PTPRM: variants seen among roughly 807,000 people sequenced by gnomAD.
PTPRM encodes the protein protein tyrosine phosphatase receptor type M.
In PTPRM, 47 loss-of-function variants were observed where a neutral mutation model predicts 186.7. That is an observed-to-expected ratio of 0.25 (90% CI 0.20 to 0.32). The LOEUF (loss-of-function observed/expected upper bound fraction) is 0.32, where lower values mean the gene tolerates loss of function less well. PTPRM is among the 10% of genes least tolerant of loss of function. The pLI is 1.00. For missense variants in PTPRM, 1,494 were observed against 1,865.0 expected (o/e 0.80, Z 3.66); for synonymous variants, 668 against 674.9 (o/e 0.99, Z 0.16).
chr18:7,682,428 G>C (rs1050773253), intron 1 of PTPRM, among the ~76,000 whole-genome samples: 2 of 152,130 alleles, frequency 1.3e-5, no homozygotes, highest in Non-Finnish European at 2.9e-5. Context: ...AAAGAATAAA[G>C]AAGAAAGCCT....
chr18:7,723,774 C>T (rs543733064), intron 1 of PTPRM, among the ~76,000 whole-genome samples: 7 of 152,284 alleles, frequency 4.6e-5, no homozygotes, highest in African/African-American at 1.4e-4. Context: ...GACCCTGTCC[C>T]CTGGGGGCGC....
At chr18:8,126,867 T>C (rs1015987372) in intron 13 of PTPRM, among the ~76,000 whole-genome samples, 2 of 152,146 alleles carry the variant, frequency 1.3e-5, no homozygotes, top group African/African-American at 4.8e-5. Context: ...ATATGAAGAA[T>C]TGCAGAAAGG....
chr18:8,052,007 A>G (rs181193572), intron 7 of PTPRM, among the ~76,000 whole-genome samples: 70 of 152,252 alleles, frequency 4.6e-4, no homozygotes, highest in African/African-American at 1.7e-3. Flanking sequence ...TACAGCCTGC[A>G]CTCTGAAAAA....
chr18:7,639,237 G>A, intron 1 of PTPRM, among the ~76,000 whole-genome samples: 1 of 152,026 alleles, frequency 6.6e-6, no homozygotes, highest in African/African-American at 2.4e-5. Context: ...ACCACACCTG[G>A]CTAACTTTAT....
At chr18:7,764,676 T>G (rs1364399611) in intron 1 of PTPRM, among the ~76,000 whole-genome samples, 1 of 152,206 alleles carries the variant, frequency 6.6e-6, no homozygotes, top group Non-Finnish European at 1.5e-5. Context: ...TTTGCATTTC[T>G]GAGTTCCTAG....
chr18:8,076,567 A>G lies in PTPRM; in HGVS notation c.1551+3A>G, dbSNP rs2089829268. On this transcript the variant is annotated splice_donor_region_variant and intron_variant, in intron 9 of 32. Transcript: ENST00000580170. ...ATGGTGTAATCACTTTATATGAGGT[A>G]ATATATATGTTTGTTAGTAATTTTT... The G allele has an allele frequency of 1.4e-6, 2 of 1,412,720 alleles. No homozygotes were observed. The highest frequency in any genetic ancestry group is 2.4e-5 in the South Asian group (2 of 83,208). The allele number at this position is 1,412,720 out of a possible 1,614,324, so 87.5% of individuals were successfully genotyped here.
chr18:8,280,769 A>G (rs1188053858), intron 19 of PTPRM, among the ~76,000 whole-genome samples: 1 of 152,046 alleles, frequency 6.6e-6, no homozygotes, highest in East Asian at 1.9e-4. Context: ...TTCTGGAGGG[A>G]CCACGCACAA....
At chr18:7,718,208 A>G (rs1291064085) in intron 1 of PTPRM, among the ~76,000 whole-genome samples, 2 of 152,194 alleles carry the variant, frequency 1.3e-5, no homozygotes, top group Admixed American at 6.5e-5. Flanking sequence ...GTACTGGTAT[A>G]AAAATAGACA....
intron 13 of PTPRM, among the ~76,000 whole-genome samples, chr18:8,130,879 A>T (rs892006018): frequency 6.6e-6 from 1 of 152,220 alleles, no homozygotes; most frequent in Non-Finnish European, 1.5e-5. Context: ...CTCAGCTTCC[A>T]TATCTGTAAA....
chr18:8,307,785 C>T (rs1176936105), intron 20 of PTPRM, among the ~76,000 whole-genome samples: 4 of 149,194 alleles, frequency 2.7e-5, no homozygotes, highest in Admixed American at 2.0e-4. Flanking sequence ...GCCTGGGCAA[C>T]AAGAGTGAAA....
At chr18:7,853,388 G>A (rs1446381708) in intron 2 of PTPRM, among the ~76,000 whole-genome samples, 8 of 152,182 alleles carry the variant, frequency 5.3e-5, no homozygotes, top group Non-Finnish European at 4.4e-5. Context: ...GGTGCTAGGT[G>A]TCCTCCCTTG....
rs1599832244 is a variant in PTPRM at position 7,978,764 on chromosome 18, T to A, written c.1132+23350T>A. Among the ~76,000 whole-genome samples, 4 of 152,238 alleles carry A rather than the reference T, an allele frequency of 2.6e-5. No individual in the cohort carries two copies. The East Asian group carries it at 7.7e-4, about 29-fold the overall frequency. On this transcript the variant is annotated intron_variant, in intron 7 of 32. Coordinates refer to ENST00000580170, the MANE Select transcript of PTPRM (RefSeq NM_001105244.2). ...CAGCTTTAATTCTTAAAAAGGTTTA[T>A]ATCATAATATTAAGGTTAGGATATG... is the stretch of plus-strand genomic sequence containing the variant.
rs570381463 is a variant in PTPRM at position 8,011,433 on chromosome 18, AGGTTTC to A, written c.1132+56020_1132+56025del. On this transcript the variant is annotated intron_variant, in intron 7 of 32. Transcript: ENST00000580170. The stretch of plus-strand genomic sequence containing the variant: ...CTCTAGCCCTCTGTGCCAGTCACAG[AGGTTTC>A]ACTCTTCATGGTTTCACTACATTCC... Among the ~76,000 whole-genome samples, 1,453 of 152,256 alleles carry A rather than the reference AGGTTTC, an allele frequency of 9.5e-3. 6 individuals carry two copies. Among genetic ancestry groups the A allele is most frequent in the South Asian group, 0.033 (161 of 4,812 alleles).
intron 2 of PTPRM, among the ~76,000 whole-genome samples, chr18:7,887,150 A>AT (rs1378515141): frequency 5.3e-5 from 8 of 151,552 alleles, no homozygotes; most frequent in Non-Finnish European, 8.8e-5. Context: ...ATTTCAACGC[A>AT]TTTTTTCTCT....
At position 8,240,685 on chromosome 18, in the gene PTPRM, AAGAG is replaced by A. The variant is rs1270168660; in HGVS notation, c.2301-3369_2301-3366del. On this transcript the variant is annotated intron_variant, in intron 14 of 32. Coordinates refer to ENST00000580170, the MANE Select transcript of PTPRM (RefSeq NM_001105244.2). ...AGAAAGAAAGAAAGAAAGAAAAAGAAAGAGAGAAAGAGAGAAAGAAAGAAGGAAA... is the reference window on the plus strand; with the variant it reads ...AGAAAGAAAGAAAGAAAGAAAAAGAAAGAAAGAGAGAAAGAAAGAAGGAAA... Among the ~76,000 whole-genome samples, 38 of 87,004 alleles carry A rather than the reference AAGAG, an allele frequency of 4.4e-4. 6 individuals carry two copies. Among genetic ancestry groups the A allele is most frequent in the Non-Finnish European group, 8.1e-4 (34 of 41,996 alleles). 57.1% of individuals were successfully genotyped at this position (87,004 alleles called of 152,430 possible).
At chr18:8,247,753 G>T in intron 15 of PTPRM, 92 bp from the exon 16 acceptor site, 1 of 871,722 alleles carries the variant, frequency 1.1e-6, no homozygotes, top group Non-Finnish European at 1.9e-6. Flanking sequence ...ACCGTGGGTA[G>T]CATGGAGTCA....
chr18:7,610,316 T>C (rs1322649015), intron 1 of PTPRM, among the ~76,000 whole-genome samples: 2 of 152,210 alleles, frequency 1.3e-5, no homozygotes, highest in Non-Finnish European at 2.9e-5. Flanking sequence ...ATTTTTAAAC[T>C]TTAAAATCTG....
At chr18:7,678,238 T>C (rs2039394257) in intron 1 of PTPRM, among the ~76,000 whole-genome samples, 1 of 152,186 alleles carries the variant, frequency 6.6e-6, no homozygotes, top group Non-Finnish European at 1.5e-5. Flanking sequence ...AAGTCCTGGC[T>C]TCACGCTCAG....
At chr18:8,333,455 A>G (rs889642380) in intron 22 of PTPRM, among the ~76,000 whole-genome samples, 1 of 152,218 alleles carries the variant, frequency 6.6e-6, no homozygotes, top group African/African-American at 2.4e-5. Context: ...AAGCTACTCA[A>G]TGTAAAATTA....
Sources: allele counts gnomAD v4.1 joint callset (sites outside exome capture counted in the v4.1 genomes callset), GRCh38; gene constraint gnomAD v4.1.1; transcripts MANE v1.5; gene names NCBI Gene and HGNC (gene_info 2026-07-23, HGNC 2026-07-21).